Variants in IMPG2 observed in about 807,000 individuals in gnomAD.
IMPG2 encodes the protein IPM 200.
Under a neutral mutation model 129.2 loss-of-function variants are expected in IMPG2, and 91 were observed. That is an observed-to-expected ratio of 0.70 (90% CI 0.59 to 0.84). The LOEUF is 0.84. Among genes scored for constraint, IMPG2 ranks in the 40% least tolerant of loss-of-function variants. IMPG2 has a pLI of 0.00. For synonymous variants in IMPG2, 510 were observed against 517.7 expected, an observed-to-expected ratio of 0.99 and a Z score of 0.20; for missense variants, 1,430 against 1,461.7, an observed-to-expected ratio of 0.98 and a Z score of 0.35.
At chr3:101,262,581 C>T (rs927955613) in intron 9 of IMPG2, among the ~76,000 whole-genome samples, 3 of 151,716 alleles carry the variant, frequency 2.0e-5, no homozygotes, top group Non-Finnish European at 4.4e-5. Flanking sequence ...TACTCATCCC[C>T]ACACTACAAG....
intron 10 of IMPG2, among the ~76,000 whole-genome samples, chr3:101,254,697 T>C (rs1277844768): frequency 6.6e-6 from 1 of 152,122 alleles, no homozygotes; most frequent in African/African-American, 2.4e-5. Flanking sequence ...TCTTGTCTTC[T>C]ATGAAAAATA....
rs572651125 is a variant in IMPG2, at chr3:101,259,697, G to A, written c.909-1924C>T. On this transcript the variant is annotated intron_variant, in intron 9 of 18. Transcript: ENST00000193391. ...ATAGAGTCTAGGAAAAAAGATATTAGTCAGCTAATTTATGTTACTAGTTAG... is the reference window on the plus strand; with the variant it reads ...ATAGAGTCTAGGAAAAAAGATATTAATCAGCTAATTTATGTTACTAGTTAG... Among the ~76,000 whole-genome samples, 15 of 152,042 alleles carry A rather than the reference G, an allele frequency of 9.9e-5. 1 individual carries two copies. The South Asian group carries it at 3.1e-3, about 32-fold the overall frequency.
chr3:101,226,842 A>G lies in IMPG2; in HGVS notation c.*127T>C. The stretch of plus-strand genomic sequence containing the variant: ...CTGAAAAAAAAACAGTGTGCCCTAT[A>G]TTTAATTTTTTCATAGAAAACTCTT... On this transcript the variant is annotated 3_prime_UTR_variant, in exon 19 of 19. Coordinates refer to ENST00000193391, the MANE Select transcript of IMPG2 (RefSeq NM_016247.4). The G allele has an allele frequency of 1.0e-6, 1 of 964,930 alleles. No individual in the cohort carries two copies. Among genetic ancestry groups the G allele is most frequent in the Non-Finnish European group, 1.6e-6 (1 of 618,036 alleles). 59.8% of individuals were successfully genotyped at this position (964,930 alleles called of 1,614,324 possible). A position where few individuals can be genotyped will look rare whatever the true frequency, so the allele number is the denominator to read the frequency against.
At chr3:101,244,847 TCC>T in intron 12 of IMPG2, 60 bp from the exon 13 acceptor site, 1 of 1,454,280 alleles carries the variant, frequency 6.9e-7, no homozygotes, top group Non-Finnish European at 9.6e-7. Context: ...TTCCTAGTTC[TCC>T]TAATAAAACT....
chr3:101,299,924 C>T (rs1239461240), intron 3 of IMPG2, among the ~76,000 whole-genome samples: 3 of 152,204 alleles, frequency 2.0e-5, no homozygotes, highest in African/African-American at 4.8e-5. Flanking sequence ...CACTTTGCCC[C>T]TTGGTGGAGG....
chr3:101,270,717 G>A (rs1385622490), intron 7 of IMPG2, among the ~76,000 whole-genome samples: 1 of 151,960 alleles, frequency 6.6e-6, no homozygotes, highest in African/African-American at 2.4e-5. Flanking sequence ...GGAGAATGGC[G>A]TGAACCCGGG....
intron 16 of IMPG2, 30 bp downstream of exon 16, chr3:101,230,927 T>G: frequency 6.3e-7 from 1 of 1,586,046 alleles, no homozygotes; most frequent in Non-Finnish European, 8.7e-7. Flanking sequence ...GAACATTGTA[T>G]TCCATTAGAG....
rs954537758 is a variant in IMPG2 at position 101,244,223 on chromosome 3, G to T, written c.2108C>A (p.Pro703His). The change falls in exon 13 of 19, where the codon CCC (proline) becomes CAC (histidine). Residue 703 changes from proline (P) to histidine (H), a missense_variant. Pro to His is a moderately conservative substitution (Grantham distance 77). Coordinates refer to ENST00000193391, the MANE Select transcript of IMPG2 (RefSeq NM_016247.4). ...ACCAGGTACTTCTGATATGTGCTTG[G>T]GGAGGGTTAGAGACGCAGATTCAGC... ...TAAESASLTL[P>H]KHISEVPGVD... is the part of the protein sequence containing the mutation. The T allele has an allele frequency of 6.2e-7, 1 of 1,613,976 alleles. No homozygotes were observed. Among genetic ancestry groups the T allele is most frequent in the South Asian group, 1.1e-5 (1 of 91,076 alleles).
At chr3:101,271,711 G>C (rs527828780) in intron 7 of IMPG2, among the ~76,000 whole-genome samples, 3 of 152,228 alleles carry the variant, frequency 2.0e-5, no homozygotes, top group African/African-American at 7.2e-5. Flanking sequence ...TTAGAATTGG[G>C]ACCAAGACTG....
chr3:101,249,940 G>A (rs1159595232), intron 11 of IMPG2, among the ~76,000 whole-genome samples: 3 of 152,064 alleles, frequency 2.0e-5, no homozygotes, highest in Admixed American at 6.5e-5. Context: ...GTGCCTTGGT[G>A]CACTCCTATA....
Position 101,276,838 on chromosome 3 carries a change from T to C in IMPG2, c.534-125A>G. 4 of 679,852 alleles carry C rather than the reference T, an allele frequency of 5.9e-6. No homozygotes were observed. In the South Asian group the frequency reaches 6.9e-5, roughly 12 times the overall value. The allele number at this position is 679,852 out of a possible 1,614,324, so 42.1% of individuals were successfully genotyped here. A position where few individuals can be genotyped will look rare whatever the true frequency, so the allele number is the denominator to read the frequency against. ...CCAAGTAAGGGCTCCCAAGCAAAAGTACCAAAAAGCAAAGTTTTTTAAAAT... is the reference window on the plus strand; with the variant it reads ...CCAAGTAAGGGCTCCCAAGCAAAAGCACCAAAAAGCAAAGTTTTTTAAAAT... On this transcript the variant is annotated intron_variant, in intron 4 of 18. Coordinates refer to ENST00000193391, the MANE Select transcript of IMPG2 (RefSeq NM_016247.4).
intron 11 of IMPG2, among the ~76,000 whole-genome samples, chr3:101,249,836 G>T (rs1301924629): frequency 2.0e-5 from 3 of 151,050 alleles, no homozygotes; most frequent in African/African-American, 7.3e-5. Flanking sequence ...ATGACTTCTC[G>T]CACTTTTCTA....
intron 4 of IMPG2, among the ~76,000 whole-genome samples, chr3:101,282,093 T>A (rs1706898575): frequency 6.6e-6 from 1 of 152,250 alleles, no homozygotes; most frequent in South Asian, 2.1e-4. Flanking sequence ...TCTCAAAAAA[T>A]TTATAAAAAT....
intron 3 of IMPG2, among the ~76,000 whole-genome samples, chr3:101,300,596 G>A (rs1576768915): frequency 6.6e-6 from 1 of 152,222 alleles, no homozygotes; most frequent in African/African-American, 2.4e-5. Context: ...CCCAGGCTGG[G>A]TAGCAGGCTC....
chr3:101,318,181 A>T (rs2058794856), intron 2 of IMPG2, among the ~76,000 whole-genome samples: 1 of 117,894 alleles, frequency 8.5e-6, no homozygotes, highest in Admixed American at 8.4e-5. Context: ...AATAATAATA[A>T]TAATAATATA....
intron 1 of IMPG2, 88 bp downstream of exon 1, chr3:101,320,200 T>C (rs1436619343): frequency 6.8e-5 from 54 of 796,828 alleles, no homozygotes; most frequent in Non-Finnish European, 2.8e-5. Flanking sequence ...ATTCCATTTC[T>C]TACAGCAATC....
At chr3:101,240,762 T>C (rs889824282) in intron 14 of IMPG2, among the ~76,000 whole-genome samples, 4 of 152,230 alleles carry the variant, frequency 2.6e-5, no homozygotes, top group Non-Finnish European at 5.9e-5. Flanking sequence ...GATTTGGATA[T>C]GAAGGATTAG....
At position 101,242,748 on chromosome 3, in the gene IMPG2, T is replaced by A; in HGVS notation, c.2962A>T (p.Thr988Ser). Residue 988 changes from threonine to serine, a missense_variant, in exon 14 of 19, where the codon ACC becomes TCC. Physicochemically the swap from Thr to Ser is moderately conservative, Grantham distance 58. Coordinates refer to ENST00000193391, the MANE Select transcript of IMPG2 (RefSeq NM_016247.4). ...AAGTTCATGGTATTGTAGGCAGTGG[T>A]ACAAAAGTCTTCCAGAATCATGTAC... ...AVYMILEDFC[T>S]TAYNTMNLAI... 6.2e-7 allele frequency: 1 copy of A among 1,614,038 alleles called. No individual in the cohort carries two copies. The highest frequency in any genetic ancestry group is 2.2e-5 in the East Asian group (1 of 44,868).
chr3:101,229,676 G>T, intron 16 of IMPG2, 86 bp from the exon 17 acceptor site: 1 of 1,201,206 alleles, frequency 8.3e-7, no homozygotes, highest in Non-Finnish European at 1.2e-6. Flanking sequence ...TATTTCTGTT[G>T]AAGAAAAACA....
Sources: gnomAD v4.1 joint callset for allele counts (sites outside exome capture counted in the v4.1 genomes callset) on GRCh38, gnomAD v4.1.1 for gene constraint, MANE v1.5 for transcripts, NCBI Gene and HGNC (gene_info 2026-07-23, HGNC 2026-07-21) for gene names.